Variants in MARCHF3 observed in about 807,000 individuals in gnomAD.
The protein encoded by MARCHF3 is E3 ubiquitin-protein ligase MARCHF3.
A neutral mutation model predicts 24.2 loss-of-function variants in MARCHF3; 13 were observed. The ratio of observed to expected loss-of-function variants is 0.54; its 90% confidence interval spans 0.35 to 0.85. The LOEUF (loss-of-function observed/expected upper bound fraction) is 0.85, where lower values mean the gene tolerates loss of function less well. Among genes scored for constraint, MARCHF3 ranks in the 40% least tolerant of loss-of-function variants. The pLI is 0.01. For missense variants in MARCHF3, 276 were observed against 325.0 expected (o/e 0.85, Z 1.16); for synonymous variants, 144 against 137.3 (o/e 1.05, Z -0.34).
chr5:126,874,836 G>A (rs1429945411), intron 4 of MARCHF3, among the ~76,000 whole-genome samples: 1 of 151,972 alleles, frequency 6.6e-6, no homozygotes, highest in Non-Finnish European at 1.5e-5. Context: ...GGCCGTGTGG[G>A]GGATGTGTCT....
Position 126,915,015 on chromosome 5 carries a change from T to G in MARCHF3, c.308A>C (p.His103Pro). The change falls in exon 3 of 5, where the codon CAC (histidine) becomes CCC (proline). Residue 103 changes from histidine to proline, a missense_variant. Coordinates refer to ENST00000308660, the MANE Select transcript of MARCHF3 (RefSeq NM_178450.5). ...LGTIHRSCLE[H>P]WLSSSNTSYC... The stretch of plus-strand genomic sequence containing the variant: ...GCTGGTGTTTGAGGATGACAGCCAG[T>G]GCTCCAGGCAGCTCCGATGAATTGT... 2 of 1,614,168 alleles carry G rather than the reference T, an allele frequency of 1.2e-6. No homozygotes were observed. The highest frequency in any genetic ancestry group is 8.5e-7 in the Non-Finnish European group (1 of 1,180,014).
chr5:126,971,202 C>T (rs1466911529), intron 1 of MARCHF3, among the ~76,000 whole-genome samples: 3 of 152,050 alleles, frequency 2.0e-5, no homozygotes, highest in Non-Finnish European at 4.4e-5. Flanking sequence ...GTAATCCCAG[C>T]ACTTTGGGAG....
chr5:126,882,351 A>G (rs1032021461), intron 3 of MARCHF3, among the ~76,000 whole-genome samples: 5 of 152,182 alleles, frequency 3.3e-5, no homozygotes, highest in Admixed American at 3.3e-4. Context: ...TGATCACGCT[A>G]GTTTCAGAAA....
At position 126,869,582 on chromosome 5, in the gene MARCHF3, C is replaced by CTTTTTTTTTT. The variant is rs10653981; in HGVS notation, c.*1041_*1050dup. 152 of 79,834 alleles carry CTTTTTTTTTT rather than the reference C, an allele frequency of 1.9e-3. 32 individuals are homozygous for CTTTTTTTTTT. The East Asian group carries it at 0.019, about 10-fold the overall frequency. 4.9% of individuals were successfully genotyped at this position (79,834 alleles called of 1,614,324 possible). On this transcript the variant is annotated 3_prime_UTR_variant, in exon 5 of 5. Transcript: ENST00000308660. The stretch of plus-strand genomic sequence containing the variant: ...ATAAGTGCAGGGCTGCTAGGACAGG[C>CTTTTTTTTTT]TTTTTTTTTTTTTTTTTTTTTTGCC...
chr5:126,984,262 A>G (rs1168408235), intron 1 of MARCHF3, among the ~76,000 whole-genome samples: 6 of 152,074 alleles, frequency 3.9e-5, no homozygotes. Flanking sequence ...TTCTGGAGAT[A>G]CTCTATATTC....
intron 3 of MARCHF3, among the ~76,000 whole-genome samples, chr5:126,910,380 T>C (rs1199396686): frequency 6.6e-6 from 1 of 152,226 alleles, no homozygotes; most frequent in East Asian, 1.9e-4. Flanking sequence ...AATGCATTAA[T>C]GGCAAAAGGC....
intron 3 of MARCHF3, among the ~76,000 whole-genome samples, chr5:126,891,949 T>A (rs1239487208): frequency 1.3e-5 from 2 of 148,428 alleles, no homozygotes; most frequent in Non-Finnish European, 1.5e-5. Flanking sequence ...TTTGTTTGTA[T>A]CCTCTTTTAT....
intron 3 of MARCHF3, among the ~76,000 whole-genome samples, chr5:126,896,102 C>T (rs1414000829): frequency 6.6e-6 from 1 of 152,210 alleles, no homozygotes; most frequent in Non-Finnish European, 1.5e-5. Context: ...CTTTCTTTGA[C>T]TCAGAAAGGG....
At chr5:127,022,844 C>G (rs977701159) in intron 1 of MARCHF3, among the ~76,000 whole-genome samples, 1 of 152,142 alleles carries the variant, frequency 6.6e-6, no homozygotes, top group East Asian at 1.9e-4. Context: ...TCTTGGCAGG[C>G]AGATATGAGA....
chr5:126,879,592 C>T (rs1181487357), intron 3 of MARCHF3, among the ~76,000 whole-genome samples: 1 of 152,194 alleles, frequency 6.6e-6, no homozygotes, highest in East Asian at 1.9e-4. Flanking sequence ...CATTTGGGTA[C>T]CTGCTTAATG....
At chr5:126,959,944 A>G (rs1048516822) in intron 1 of MARCHF3, among the ~76,000 whole-genome samples, 2 of 152,148 alleles carry the variant, frequency 1.3e-5, no homozygotes, top group Non-Finnish European at 2.9e-5. Context: ...GAAGGCACTC[A>G]GTTATGCTCT....
At chr5:126,998,426 A>G (rs1410069054) in intron 1 of MARCHF3, among the ~76,000 whole-genome samples, 2 of 152,244 alleles carry the variant, frequency 1.3e-5, no homozygotes, top group African/African-American at 4.8e-5. Context: ...ATCAAGAGTG[A>G]AACTGGAGAA....
At chr5:127,009,699 A>G (rs1177621104) in intron 1 of MARCHF3, among the ~76,000 whole-genome samples, 1 of 152,030 alleles carries the variant, frequency 6.6e-6, no homozygotes, top group Non-Finnish European at 1.5e-5. Flanking sequence ...ACCAGCCAAC[A>G]CTCTGCCCCC....
intron 1 of MARCHF3, among the ~76,000 whole-genome samples, chr5:127,027,437 A>C (rs1452710622): frequency 6.6e-6 from 1 of 152,188 alleles, no homozygotes; most frequent in Non-Finnish European, 1.5e-5. Context: ...GTGCCTCATG[A>C]AGATAAGGAT....
At chr5:126,952,552 G>A (rs1750291728) in intron 1 of MARCHF3, among the ~76,000 whole-genome samples, 2 of 151,912 alleles carry the variant, frequency 1.3e-5, no homozygotes, top group Admixed American at 6.6e-5. Flanking sequence ...TGTCCTTTAC[G>A]AAATTTAAAA....
chr5:126,888,033 T>C (rs530243267), intron 3 of MARCHF3, among the ~76,000 whole-genome samples: 3 of 152,380 alleles, frequency 2.0e-5, no homozygotes, highest in East Asian at 1.9e-4. Context: ...GCTACGTTCC[T>C]GTTTCTTAAA....
intron 1 of MARCHF3, among the ~76,000 whole-genome samples, chr5:126,971,996 AAC>A (rs1317358781): frequency 6.6e-6 from 1 of 152,218 alleles, no homozygotes; most frequent in Non-Finnish European, 1.5e-5. Context: ...TACATGTGGT[AAC>A]TAACAATTTG....
chr5:126,945,436 G>A (rs1411942955), intron 1 of MARCHF3, among the ~76,000 whole-genome samples: 5 of 152,210 alleles, frequency 3.3e-5, no homozygotes, highest in African/African-American at 4.8e-5. Flanking sequence ...GAGGTGTCCT[G>A]GAGGAAATGA....
At chr5:126,970,815 T>C (rs1313182348) in intron 1 of MARCHF3, among the ~76,000 whole-genome samples, 3 of 152,218 alleles carry the variant, frequency 2.0e-5, no homozygotes, top group Non-Finnish European at 1.5e-5. Flanking sequence ...CTACTTCCTG[T>C]CATTTCCAAA....
Sources: gnomAD v4.1 joint callset for allele counts (sites outside exome capture counted in the v4.1 genomes callset) on GRCh38, gnomAD v4.1.1 for gene constraint, MANE v1.5 for transcripts, NCBI Gene and HGNC (gene_info 2026-07-23, HGNC 2026-07-21) for gene names.